Variants in KALRN observed in about 807,000 individuals in gnomAD.
The protein encoded by KALRN is kalirin RhoGEF kinase, also known as kalirin.
In KALRN, 70 loss-of-function variants were observed where a neutral mutation model predicts 353.7. The observed-to-expected ratio is 0.20, with a 90% CI of 0.16 to 0.24. KALRN has a LOEUF of 0.24. Among genes scored for constraint, KALRN ranks in the 10% least tolerant of loss-of-function variants. KALRN has a pLI of 1.00. For missense variants in KALRN, 2,791 were observed against 3,756.7 expected, an observed-to-expected ratio of 0.74 and a Z score of 6.72; for synonymous variants, 1,391 against 1,434.8, an observed-to-expected ratio of 0.97 and a Z score of 0.69.
chr3:124,664,375 G>GCGCGCA (rs1553719902), intron 45 of KALRN, among the ~76,000 whole-genome samples: 1 of 145,318 alleles, frequency 6.9e-6, no homozygotes, highest in Non-Finnish European at 1.5e-5. Flanking sequence ...GTGTGTGCGC[G>GCGCGCA]CGCGCGCATA....
At chr3:124,638,995 A>G (rs981965408) in intron 37 of KALRN, among the ~76,000 whole-genome samples, 4 of 152,204 alleles carry the variant, frequency 2.6e-5, no homozygotes, top group African/African-American at 9.6e-5. Flanking sequence ...CTATACATAA[A>G]GTCCACACTT....
At chr3:124,403,117 C>T (rs1159393588) in intron 13 of KALRN, among the ~76,000 whole-genome samples, 1 of 152,210 alleles carries the variant, frequency 6.6e-6, no homozygotes, top group Non-Finnish European at 1.5e-5. Flanking sequence ...TGAGTTGTGA[C>T]ACTCCTACCT....
intron 1 of KALRN, among the ~76,000 whole-genome samples, chr3:124,046,983 C>CTT (rs201245508): frequency 0.01 from 1,186 of 116,878 alleles, 17 homozygotes; most frequent in East Asian, 0.03. Flanking sequence ...GGAAATGTAT[C>CTT]TTTTTTTTTT....
chr3:124,724,417 T>C lies in KALRN; in HGVS notation c.*4947T>C. 6.6e-6 allele frequency: 1 copy of C among 152,158 alleles called. No individual in the cohort carries two copies. The highest frequency in any genetic ancestry group is 1.9e-4 in the East Asian group (1 of 5,196). 9.4% of individuals were successfully genotyped at this position (152,158 alleles called of 1,614,324 possible). A position where few individuals can be genotyped will look rare whatever the true frequency, so the allele number is the denominator to read the frequency against. ...GAGTCTGGGTTAGACAAATGCAATA[T>C]GTGACCTTTCAGTGAATTTATTTAT... On this transcript the variant is annotated 3_prime_UTR_variant, in exon 60 of 60. Transcript: ENST00000682506.
chr3:124,587,106 G>C (rs1032758606), intron 34 of KALRN, among the ~76,000 whole-genome samples: 2 of 152,228 alleles, frequency 1.3e-5, no homozygotes, highest in Admixed American at 1.3e-4. Context: ...GAGTCTTGAG[G>C]CTGTCTCTCA....
intron 1 of KALRN, among the ~76,000 whole-genome samples, chr3:124,074,521 G>C (rs1287029438): frequency 1.3e-5 from 2 of 152,188 alleles, no homozygotes; most frequent in Non-Finnish European, 2.9e-5. Flanking sequence ...CCAGAGAATG[G>C]AGCCCAGAAT....
chr3:124,206,595 TA>T (rs907109321), intron 1 of KALRN, among the ~76,000 whole-genome samples: 25 of 152,154 alleles, frequency 1.6e-4, no homozygotes, highest in African/African-American at 6.0e-4. Context: ...GCTTATTGCA[TA>T]GGGTTTTCTG....
intron 33 of KALRN, among the ~76,000 whole-genome samples, chr3:124,517,712 G>T (rs1027856540): frequency 6.6e-6 from 1 of 152,138 alleles, no homozygotes; most frequent in Admixed American, 6.5e-5. Flanking sequence ...CCCTCAGCCA[G>T]CCTTGCAGTC....
chr3:124,233,078 A>G (rs1207990821), intron 2 of KALRN, among the ~76,000 whole-genome samples: 1 of 152,152 alleles, frequency 6.6e-6, no homozygotes, highest in Admixed American at 6.5e-5. Context: ...CCCTGGTTCT[A>G]GCTTGGGAGG....
At chr3:124,575,837 C>T (rs1206562629) in intron 34 of KALRN, among the ~76,000 whole-genome samples, 2 of 152,186 alleles carry the variant, frequency 1.3e-5, no homozygotes, top group African/African-American at 4.8e-5. Flanking sequence ...CCAGAATGAT[C>T]CAGCATAATC....
Position 124,396,052 on chromosome 3 carries a change from T to C in KALRN, c.2171+709T>C, listed in dbSNP as rs748735818. ...TCCTTAGATAAAGTGTCATGAGGCC[T>C]TAAGCAAGCCCTCAGCAACCAACCC... On this transcript the variant is annotated intron_variant, in intron 12 of 59. Transcript: ENST00000682506. Among the ~76,000 whole-genome samples the C allele has an allele frequency of 1.4e-4, 21 of 152,206 alleles. 1 individual carries two copies. The highest frequency in any genetic ancestry group is 5.2e-4 in the Admixed American group (8 of 15,284).
Position 124,181,076 on chromosome 3 carries a change from C to CAAAAAAAA in KALRN, c.74-46896_74-46889dup, listed in dbSNP as rs60579271. On this transcript the variant is annotated intron_variant, in intron 1 of 59. Coordinates refer to ENST00000682506, the MANE Select transcript of KALRN (RefSeq NM_001388419.1). ...CAAAACCCCATCTCTACTAAAAATA[C>CAAAAAAAA]AAAAAAAAAAAAAAAAAAAAAAAAA... Among the ~76,000 whole-genome samples the CAAAAAAAA allele has an allele frequency of 6.6e-3, 363 of 55,228 alleles. 10 individuals are homozygous for CAAAAAAAA. Among genetic ancestry groups the CAAAAAAAA allele is most frequent in the African/African-American group, 0.012 (166 of 13,392 alleles). The allele number at this position is 55,228 out of a possible 152,430, so 36.2% of individuals were successfully genotyped here. A position where few individuals can be genotyped will look rare whatever the true frequency, so the allele number is the denominator to read the frequency against.
At chr3:124,550,641 ACTAGACCTCT>A (rs2070374873) in intron 33 of KALRN, among the ~76,000 whole-genome samples, 1 of 152,092 alleles carries the variant, frequency 6.6e-6, no homozygotes, top group Non-Finnish European at 1.5e-5. Flanking sequence ...ACTTAGTGCC[ACTAGACCTCT>A]GCCTTTACTC....
chr3:124,500,047 C>G (rs2064331210), intron 33 of KALRN, among the ~76,000 whole-genome samples: 1 of 152,306 alleles, frequency 6.6e-6, no homozygotes, highest in East Asian at 1.9e-4. Context: ...CAGAAGTATT[C>G]TAACTAATGT....
At chr3:124,540,103 A>G (rs2068886284) in intron 33 of KALRN, among the ~76,000 whole-genome samples, 1 of 151,634 alleles carries the variant, frequency 6.6e-6, no homozygotes, top group Admixed American at 6.6e-5. Context: ...TGTATTTTTT[A>G]TGAGACAGGG....
intron 1 of KALRN, among the ~76,000 whole-genome samples, chr3:124,196,972 C>G (rs899810928): frequency 6.6e-6 from 1 of 152,130 alleles, no homozygotes; most frequent in Non-Finnish European, 1.5e-5. Context: ...AAAAGTCACA[C>G]AATTCTTGAG....
At chr3:124,489,653 A>G (rs2062928610) in intron 29 of KALRN, among the ~76,000 whole-genome samples, 1 of 152,126 alleles carries the variant, frequency 6.6e-6, no homozygotes. Flanking sequence ...AGTACCTGCA[A>G]GTACCCAGCT....
At chr3:124,163,551 G>T (rs1208095767) in intron 1 of KALRN, 2 of 977,996 alleles carry the variant, frequency 2.0e-6, no homozygotes, top group East Asian at 2.3e-4. Flanking sequence ...GCCTAAATCT[G>T]TCAGTGACAT....
At chr3:124,568,461 A>G (rs2073122412) in intron 34 of KALRN, among the ~76,000 whole-genome samples, 1 of 152,220 alleles carries the variant, frequency 6.6e-6, no homozygotes, top group Non-Finnish European at 1.5e-5. Context: ...TCAAAAAAGT[A>G]AAAATAAGAT....
Sources: gnomAD v4.1 joint callset for allele counts (sites outside exome capture counted in the v4.1 genomes callset) on GRCh38, gnomAD v4.1.1 for gene constraint, MANE v1.5 for transcripts, NCBI Gene and HGNC (gene_info 2026-07-23, HGNC 2026-07-21) for gene names.